KBTBD12: variants seen among roughly 807,000 people sequenced by gnomAD.
KBTBD12 encodes kelch repeat and BTB domain-containing protein 12.
KBTBD12 carries 53 observed loss-of-function variants against 58.7 expected under a neutral mutation model. The observed-to-expected ratio is 0.90, with a 90% CI of 0.72 to 1.14. The LOEUF is 1.14. KBTBD12 is among the 50% of genes most tolerant of loss of function. The pLI is 0.00. For synonymous variants in KBTBD12, 236 were observed against 259.8 expected, an observed-to-expected ratio of 0.91 and a Z score of 0.88; for missense variants, 704 against 751.3, an observed-to-expected ratio of 0.94 and a Z score of 0.74.
intron 4 of KBTBD12, among the ~76,000 whole-genome samples, chr3:127,957,866 T>C (rs544865992): frequency 5.3e-5 from 8 of 152,304 alleles, no homozygotes; most frequent in Non-Finnish European, 1.2e-4. Flanking sequence ...TGTATTTTCA[T>C]AGGAACCTTG....
chr3:127,980,202 C>T (rs946069452), intron 5 of KBTBD12, among the ~76,000 whole-genome samples: 1 of 152,194 alleles, frequency 6.6e-6, no homozygotes, highest in Admixed American at 6.5e-5. Context: ...GAAGATAAAA[C>T]AAGGTTGGTT....
intron 4 of KBTBD12, among the ~76,000 whole-genome samples, chr3:127,934,743 G>C (rs986367237): frequency 6.6e-6 from 1 of 152,068 alleles, no homozygotes; most frequent in African/African-American, 2.4e-5. Context: ...GAGGCAACTA[G>C]GCAGTGGAAT....
Position 127,962,960 on chromosome 3 carries a change from A to G in KBTBD12, c.1493-229A>G, listed in dbSNP as rs566844143. 2.0e-5 allele frequency among the ~76,000 whole-genome samples: 3 copies of G among 152,384 alleles called. 1 individual carries two copies. In the East Asian group the frequency reaches 5.8e-4, roughly 29 times the overall value. ...GCCAGTGGTAGACTCAGTCTCATGCATGATCACAAACAAGGAGAACACTAT... is the reference window on the plus strand; with the variant it reads ...GCCAGTGGTAGACTCAGTCTCATGCGTGATCACAAACAAGGAGAACACTAT... On this transcript the variant is annotated intron_variant, in intron 4 of 5. Coordinates refer to ENST00000405109, the MANE Select transcript of KBTBD12 (RefSeq NM_207335.4).
At chr3:127,980,313 ATTTTATTTATTTATT>A (rs370330305) in intron 5 of KBTBD12, among the ~76,000 whole-genome samples, 9 of 152,076 alleles carry the variant, frequency 5.9e-5, no homozygotes, top group African/African-American at 2.2e-4. Flanking sequence ...TCATTGGGTT[ATTTTATTTATTTATT>A]TTTTATTTTT....
intron 4 of KBTBD12, among the ~76,000 whole-genome samples, chr3:127,948,904 C>A (rs1204000831): frequency 6.6e-6 from 1 of 152,178 alleles, no homozygotes; most frequent in African/African-American, 2.4e-5. Context: ...AGCTGTAAAA[C>A]TGACTAGAAA....
At chr3:127,921,427 A>T (rs1939405457) in intron 1 of KBTBD12, among the ~76,000 whole-genome samples, 1 of 152,156 alleles carries the variant, frequency 6.6e-6, no homozygotes, top group African/African-American at 2.4e-5. Context: ...CATTTTACAG[A>T]TGAAGAAGCC....
rs983505834 is a variant in KBTBD12, at chr3:127,945,754, C to T, written c.1492+15471C>T. Among the ~76,000 whole-genome samples, 3 of 149,394 alleles carry T rather than the reference C, an allele frequency of 2.0e-5. No individual in the cohort carries two copies. In the South Asian group the frequency reaches 6.4e-4, roughly 32 times the overall value. ...AGTGCAGTGGTGCAACCTTGGCTTACTACAACCTCCGCTTCCCAGGTTCAA... is the reference window on the plus strand; with the variant it reads ...AGTGCAGTGGTGCAACCTTGGCTTATTACAACCTCCGCTTCCCAGGTTCAA... On this transcript the variant is annotated intron_variant, in intron 4 of 5. Transcript: ENST00000405109.
Position 127,981,418 on chromosome 3 carries a change from T to A in KBTBD12, c.1691-2679T>A, listed in dbSNP as rs1175447014. ...AATGCTATCCAATAAATAGTCATTA[T>A]TATTAACATAACAGATTCTGACATA... On this transcript the variant is annotated intron_variant, in intron 5 of 5. Transcript: ENST00000405109. Among the ~76,000 whole-genome samples, 3 of 151,092 alleles carry A rather than the reference T, an allele frequency of 2.0e-5. No individual in the cohort carries two copies. In the East Asian group the frequency reaches 5.8e-4, roughly 29 times the overall value.
chr3:127,929,970 T>C (rs1939663311), intron 3 of KBTBD12, among the ~76,000 whole-genome samples, 163 bp from the exon 4 acceptor site: 1 of 152,200 alleles, frequency 6.6e-6, no homozygotes, highest in Non-Finnish European at 1.5e-5. Context: ...ATTGACAGTA[T>C]ACTTATAACC....
At chr3:127,963,415 A>T in intron 5 of KBTBD12, 29 bp downstream of exon 5, 2 of 1,545,828 alleles carry the variant, frequency 1.3e-6, no homozygotes. Context: ...ACATTTTGTT[A>T]CCTCCTTTGG....
Position 127,923,058 on chromosome 3 carries a change from G to T in KBTBD12, c.-4G>T. On this transcript the variant is annotated 5_prime_UTR_variant, in exon 2 of 6. Coordinates refer to ENST00000405109, the MANE Select transcript of KBTBD12 (RefSeq NM_207335.4). ...ACTTAGTTGGAAACTTTGGAGAGTA[G>T]ATCATGGAGTGCAAGATTGAGGGAA... 11 of 1,569,032 alleles carry T rather than the reference G, an allele frequency of 7.0e-6. No individual in the cohort carries two copies. Among genetic ancestry groups the T allele is most frequent in the Non-Finnish European group, 9.6e-6 (11 of 1,142,758 alleles).
chr3:127,965,061 A>C (rs1017889136), intron 5 of KBTBD12, among the ~76,000 whole-genome samples: 5 of 152,226 alleles, frequency 3.3e-5, no homozygotes, highest in African/African-American at 9.6e-5. Context: ...TTACATGAGC[A>C]ACTCCCATAT....
At chr3:127,947,150 A>G (rs1940101140) in intron 4 of KBTBD12, among the ~76,000 whole-genome samples, 1 of 152,068 alleles carries the variant, frequency 6.6e-6, no homozygotes, top group African/African-American at 2.4e-5. Flanking sequence ...TTCCCTGCCT[A>G]TGCCCATGTC....
chr3:127,934,448 T>C (rs960496751), intron 4 of KBTBD12, among the ~76,000 whole-genome samples: 10 of 152,074 alleles, frequency 6.6e-5, no homozygotes, highest in African/African-American at 2.4e-4. Context: ...CAGAGTCAGA[T>C]GGAATATCAA....
chr3:127,938,800 T>C (rs567095506), intron 4 of KBTBD12, among the ~76,000 whole-genome samples: 2 of 152,274 alleles, frequency 1.3e-5, no homozygotes, highest in South Asian at 4.2e-4. Flanking sequence ...TGGCTCTAGG[T>C]AAAATGGAGT....
chr3:127,959,736 C>T (rs1940393574), intron 4 of KBTBD12, among the ~76,000 whole-genome samples: 1 of 152,372 alleles, frequency 6.6e-6, no homozygotes, highest in Admixed American at 6.5e-5. Flanking sequence ...CCTTACCCTT[C>T]TCCACCCTTA....
At chr3:127,930,636 G>A (rs2107593410) in intron 4 of KBTBD12, among the ~76,000 whole-genome samples, 1 of 152,262 alleles carries the variant, frequency 6.6e-6, no homozygotes, top group Middle Eastern at 3.4e-3. Flanking sequence ...AACTGTGATG[G>A]ATCTGTGCCA....
intron 4 of KBTBD12, among the ~76,000 whole-genome samples, chr3:127,951,434 C>T (rs1940201022): frequency 6.6e-6 from 1 of 152,162 alleles, no homozygotes; most frequent in African/African-American, 2.4e-5. Context: ...AGGAAGGGGT[C>T]AGGTCAGCCT....
chr3:127,937,526 T>C (rs1939855877), intron 4 of KBTBD12, among the ~76,000 whole-genome samples: 1 of 151,952 alleles, frequency 6.6e-6, no homozygotes, highest in Non-Finnish European at 1.5e-5. Context: ...ATCACAAAGA[T>C]TTTTTTTAAG....
Sources: gnomAD v4.1 joint callset for allele counts (sites outside exome capture counted in the v4.1 genomes callset) on GRCh38, gnomAD v4.1.1 for gene constraint, MANE v1.5 for transcripts, NCBI Gene and HGNC (gene_info 2026-07-23, HGNC 2026-07-21) for gene names.